RHOH: variants seen among roughly 807,000 people sequenced by gnomAD.
RHOH encodes rho-related GTP-binding protein RhoH.
In RHOH, 6 loss-of-function variants were observed where a neutral mutation model predicts 13.8. The ratio of observed to expected loss-of-function variants is 0.44; its 90% confidence interval spans 0.24 to 0.86. RHOH has a LOEUF of 0.86. Among genes scored for constraint, RHOH ranks in the 40% least tolerant of loss-of-function variants. The probability of loss-of-function intolerance (pLI) is 0.24; values close to 1 mark genes in which losing one functional copy is unlikely to be tolerated. For synonymous variants in RHOH, 117 were observed against 103.0 expected, an observed-to-expected ratio of 1.14 and a Z score of -0.82; for missense variants, 147 against 244.5, an observed-to-expected ratio of 0.60 and a Z score of 2.66.
intron 1 of RHOH, among the ~76,000 whole-genome samples, chr4:40,240,790 T>A (rs1033816093): frequency 6.6e-6 from 1 of 150,708 alleles, no homozygotes; most frequent in Non-Finnish European, 1.5e-5. Flanking sequence ...AAAATAAAAT[T>A]AAAATAAATA....
At chr4:40,199,933 T>C (rs1560680603) in intron 1 of RHOH, among the ~76,000 whole-genome samples, 1 of 152,226 alleles carries the variant, frequency 6.6e-6, no homozygotes, top group South Asian at 2.1e-4. Context: ...ATGTTAATTG[T>C]GCAGGGGATT....
At chr4:40,234,944 A>G (rs1472793182) in intron 1 of RHOH, among the ~76,000 whole-genome samples, 1 of 152,096 alleles carries the variant, frequency 6.6e-6, no homozygotes, top group Non-Finnish European at 1.5e-5. Context: ...TTTCAAACAG[A>G]GATGATCTAT....
chr4:40,231,265 G>A (rs983498040), intron 1 of RHOH, among the ~76,000 whole-genome samples: 4 of 150,126 alleles, frequency 2.7e-5, no homozygotes, highest in Non-Finnish European at 5.9e-5. Flanking sequence ...TATGTTAATG[G>A]ATTTCAATAT....
At position 40,246,052 on chromosome 4, in the gene RHOH, G is replaced by T. The variant is rs1258024550; in HGVS notation, c.*2090G>T. ...TGTCTCTAGTTCTCAGCTCAGGGTTGGGGGGCTTGAAAGATGACCGGGCAG... is the reference window on the plus strand; with the variant it reads ...TGTCTCTAGTTCTCAGCTCAGGGTTTGGGGGCTTGAAAGATGACCGGGCAG... On this transcript the variant is annotated 3_prime_UTR_variant, in exon 3 of 3. Coordinates refer to ENST00000381799, the MANE Select transcript of RHOH (RefSeq NM_004310.5). 1 of 152,166 alleles carries T rather than the reference G, an allele frequency of 6.6e-6. No homozygotes were observed. The highest frequency in any genetic ancestry group is 1.9e-4 in the East Asian group (1 of 5,196). The allele number at this position is 152,166 out of a possible 1,614,324, so 9.4% of individuals were successfully genotyped here.
chr4:40,230,618 C>T (rs540366246), intron 1 of RHOH, among the ~76,000 whole-genome samples: 9 of 151,868 alleles, frequency 5.9e-5, no homozygotes, highest in Middle Eastern at 3.4e-3. Context: ...CTTAGCCTCC[C>T]AAAGTGCTGG....
intron 1 of RHOH, among the ~76,000 whole-genome samples, chr4:40,198,160 T>C (rs1240410778): frequency 2.6e-5 from 4 of 152,210 alleles, no homozygotes; most frequent in African/African-American, 9.7e-5. Context: ...CTTGAAGAGT[T>C]CTGTGAATTC....
chr4:40,195,354 T>TTCCTTCCTTCC (rs1553932214), upstream of RHOH, among the ~76,000 whole-genome samples: 1 of 91,950 alleles, frequency 1.1e-5, no homozygotes, highest in African/African-American at 4.3e-5. Context: ...CTTTCTTTCT[T>TTCCTTCCTTCC]TTCCTTCCTT....
At chr4:40,241,023 T>TA (rs1024958845) in intron 1 of RHOH, among the ~76,000 whole-genome samples, 3 of 151,898 alleles carry the variant, frequency 2.0e-5, no homozygotes, top group African/African-American at 7.3e-5. Context: ...TAAATTAAAT[T>TA]AAAAAAATAA....
chr4:40,212,779 C>G (rs1216678954), intron 1 of RHOH: 1 of 152,216 alleles, frequency 6.6e-6, no homozygotes, highest in Admixed American at 6.5e-5. Context: ...TCCATGTAAG[C>G]AGGGACCTTC....
At position 40,243,106 on chromosome 4, in the gene RHOH, G is replaced by A. The variant is rs1470415687; in HGVS notation, c.-209-72G>A. 1 of 358,784 alleles carries A rather than the reference G, an allele frequency of 2.8e-6. No homozygotes were observed. The highest frequency in any genetic ancestry group is 5.1e-6 in the Non-Finnish European group (1 of 197,048). The allele number at this position is 358,784 out of a possible 1,614,324, so 22.2% of individuals were successfully genotyped here. A position where few individuals can be genotyped will look rare whatever the true frequency, so the allele number is the denominator to read the frequency against. On this transcript the variant is annotated intron_variant, in intron 2 of 2. Coordinates refer to ENST00000381799, the MANE Select transcript of RHOH (RefSeq NM_004310.5). This position sits in a 1 kb window ranked among gnomAD's most constrained non-coding sequence, Gnocchi z 6.2. ...CACATTTAATCAGTTTGCCAATGAG[G>A]AAGCCCCTTATCTTCAAAAAAGGCA...
At chr4:40,208,915 A>C (rs1724951853) in intron 1 of RHOH, among the ~76,000 whole-genome samples, 1 of 152,082 alleles carries the variant, frequency 6.6e-6, no homozygotes. Context: ...ATGTATTCTT[A>C]TACATGAATT....
At chr4:40,225,569 C>T (rs561989538) in intron 1 of RHOH, among the ~76,000 whole-genome samples, 4 of 152,212 alleles carry the variant, frequency 2.6e-5, no homozygotes, top group Non-Finnish European at 2.9e-5. Context: ...CGAAGGACGC[C>T]GCTGGATTCT....
chr4:40,198,651 AG>A (rs1179314697), intron 1 of RHOH, among the ~76,000 whole-genome samples: 1 of 152,146 alleles, frequency 6.6e-6, no homozygotes, highest in Non-Finnish European at 1.5e-5. Flanking sequence ...ATGCAGAGAA[AG>A]GTTCGTGTGG....
At chr4:40,199,737 C>T (rs896090639) in intron 1 of RHOH, among the ~76,000 whole-genome samples, 1 of 152,146 alleles carries the variant, frequency 6.6e-6, no homozygotes, top group African/African-American at 2.4e-5. Flanking sequence ...CAAGGCACAG[C>T]TAAAATTCCA....
At chr4:40,206,212 C>T (rs1724617610) in intron 1 of RHOH, among the ~76,000 whole-genome samples, 1 of 152,204 alleles carries the variant, frequency 6.6e-6, no homozygotes, top group South Asian at 2.1e-4. Context: ...TTCTTTCAGG[C>T]AGGACCCCTA....
chr4:40,216,423 C>T (rs532706310), intron 1 of RHOH, among the ~76,000 whole-genome samples: 1 of 151,930 alleles, frequency 6.6e-6, no homozygotes, highest in Non-Finnish European at 1.5e-5. Flanking sequence ...AAGCCGAGAT[C>T]GCACCACTGC....
chr4:40,233,046 T>C (rs1159134258), intron 1 of RHOH, among the ~76,000 whole-genome samples: 4 of 152,178 alleles, frequency 2.6e-5, no homozygotes, highest in African/African-American at 9.7e-5. Flanking sequence ...GGCACTGTTT[T>C]AGGCTCATGA....
At chr4:40,193,292 C>T (rs535158820), upstream of RHOH, among the ~76,000 whole-genome samples, 1 of 152,326 alleles carries the variant, frequency 6.6e-6, no homozygotes, top group African/African-American at 2.4e-5. Context: ...TTCCCTCCTC[C>T]TGCCACTCTG....
In RHOH at chr4:40,218,328, A is replaced by G. The variant is rs1040093075; in HGVS notation, c.-331+21028A>G. 2 of 152,226 alleles carry G rather than the reference A, an allele frequency of 1.3e-5. No individual in the cohort carries two copies. Among genetic ancestry groups the G allele is most frequent in the Non-Finnish European group, 2.9e-5 (2 of 68,046 alleles). The allele number at this position is 152,226 out of a possible 1,614,324, so 9.4% of individuals were successfully genotyped here. Reference sequence around the variant, plus strand: ...TTATTATATGCACGTTCTGTCTACAATGACCAGTGGACTCTAAACTGGGCT... The same window carrying G: ...TTATTATATGCACGTTCTGTCTACAGTGACCAGTGGACTCTAAACTGGGCT... On this transcript the variant is annotated intron_variant, in intron 1 of 2. Transcript: ENST00000381799. This position sits in a 1 kb window ranked among gnomAD's most constrained non-coding sequence, Gnocchi z 4.1.
Sources: gnomAD v4.1 joint callset for allele counts (sites outside exome capture counted in the v4.1 genomes callset) on GRCh38, gnomAD v4.1.1 for gene constraint, Gnocchi (gnomAD v3.1) non-coding constraint, MANE v1.5 for transcripts, NCBI Gene and HGNC (gene_info 2026-07-23, HGNC 2026-07-21) for gene names.